Variants in BNIP3 observed in about 807,000 individuals in gnomAD.
BNIP3 encodes the protein BCL2/adenovirus E1B 19 kDa protein-interacting protein 3.
In BNIP3, 16 loss-of-function variants were observed where a neutral mutation model predicts 23.9. The ratio of observed to expected loss-of-function variants is 0.67; its 90% CI spans 0.45 to 1.01. The LOEUF (loss-of-function observed/expected upper bound fraction) is 1.01. BNIP3 is among the 50% of genes least tolerant of loss of function. The pLI is 0.00. For missense variants in BNIP3, 198 were observed against 248.7 expected, an observed-to-expected ratio of 0.80 and a Z score of 1.37; for synonymous variants, 81 against 89.3, an observed-to-expected ratio of 0.91 and a Z score of 0.53.
In BNIP3 at chr10:131,981,899, C is replaced by A; in HGVS notation, c.-93G>T. On this transcript the variant is annotated 5_prime_UTR_variant, in exon 1 of 6. Transcript: ENST00000368636. Reference sequence around the variant, plus strand: ...GGTGGGAAAGCGGAGGTCGGAGCGCCGCGGCCCAGCTGCGCTCCCGGACTG... The same window carrying A: ...GGTGGGAAAGCGGAGGTCGGAGCGCAGCGGCCCAGCTGCGCTCCCGGACTG... 3 of 1,334,118 alleles carry A rather than the reference C, an allele frequency of 2.2e-6. No homozygotes were observed. The highest frequency in any genetic ancestry group is 3.9e-5 in the Admixed American group (1 of 25,378). The allele number at this position is 1,334,118 out of a possible 1,614,324, so 82.6% of individuals were successfully genotyped here.
chr10:131,974,252 G>A (rs1589976767), intron 1 of BNIP3, among the ~76,000 whole-genome samples: 2 of 152,136 alleles, frequency 1.3e-5, no homozygotes, highest in South Asian at 4.1e-4. Flanking sequence ...AATCCAATTA[G>A]AATACTTCCT....
rs45460792 is a variant in BNIP3 at position 131,976,887 on chromosome 10, T to C, written c.47-2944A>G. ...GAGCACTTTTGGAGTACACTGCTAA[T>C]AGGGTGACTTTATGAATAACGCACA... On this transcript the variant is annotated intron_variant, in intron 1 of 5. Transcript: ENST00000368636. This position sits in a 1 kb window ranked among gnomAD's most constrained non-coding sequence, Gnocchi z 4.3. Among the ~76,000 whole-genome samples the C allele has an allele frequency of 0.019, 2,895 of 152,318 alleles. 96 individuals are homozygous for C. Among genetic ancestry groups the C allele is most frequent in the African/African-American group, 0.064 (2,651 of 41,568 alleles).
rs916377215 is a variant in BNIP3 at position 131,981,902 on chromosome 10, G to T, written c.-96C>A. The T allele has an allele frequency of 3.8e-6, 5 of 1,322,508 alleles. No individual in the cohort carries two copies. In the South Asian group the frequency reaches 5.3e-5, roughly 14 times the overall value. 81.9% of individuals were successfully genotyped at this position (1,322,508 alleles called of 1,614,324 possible). On this transcript the variant is annotated 5_prime_UTR_variant, in exon 1 of 6. Transcript: ENST00000368636. ...GGGAAAGCGGAGGTCGGAGCGCCGCGGCCCAGCTGCGCTCCCGGACTGAGC... is the reference window on the plus strand; with the variant it reads ...GGGAAAGCGGAGGTCGGAGCGCCGCTGCCCAGCTGCGCTCCCGGACTGAGC...
rs1554902429 is a variant in BNIP3, at chr10:131,967,904, C to T, written c.*620G>A. On this transcript the variant is annotated 3_prime_UTR_variant, in exon 6 of 6. Transcript: ENST00000368636. Reference sequence around the variant, plus strand: ...AGGGTGATCACCTAATAATCGGAGACTTAATTCCTTATAATGCAAAAGCAA... The same window carrying T: ...AGGGTGATCACCTAATAATCGGAGATTTAATTCCTTATAATGCAAAAGCAA... 4.6e-5 allele frequency: 7 copies of T among 152,248 alleles called. No individual in the cohort carries two copies. Among genetic ancestry groups the T allele is most frequent in the African/African-American group, 1.2e-4 (5 of 41,452 alleles). The allele number at this position is 152,248 out of a possible 1,614,324, so 9.4% of individuals were successfully genotyped here.
chr10:131,970,769 G>C lies in BNIP3; in HGVS notation c.408C>G (p.His136Gln). 6.2e-7 allele frequency: 1 copy of C among 1,614,230 alleles called. No homozygotes were observed. Among genetic ancestry groups the C allele is most frequent in the Non-Finnish European group, 8.5e-7 (1 of 1,180,040 alleles). Residue 136 changes from histidine to glutamine, a missense_variant, in exon 5 of 6, where the codon CAC becomes CAG. Physicochemically the swap from His to Gln is conservative, Grantham distance 24. Transcript: ENST00000368636. The surrounding 1 kb of genome is among the most constrained non-coding windows in gnomAD (Gnocchi z 4.1). ...TGCTGAGGGTGGCCGTGCGCTTCGGGTGTTTAAAGAGGAACTCCCTGAGGC... is the reference window on the plus strand; with the variant it reads ...TGCTGAGGGTGGCCGTGCGCTTCGGCTGTTTAAAGAGGAACTCCCTGAGGC... The part of the protein sequence containing the change: ...NIPPKEFLFK[H>Q]PKRTATLSMR...
intron 3 of BNIP3, 108 bp from the exon 4 acceptor site, chr10:131,971,078 G>A (rs1317467086): frequency 3.9e-6 from 4 of 1,015,056 alleles, no homozygotes; most frequent in Admixed American, 2.0e-5. Context: ...CAAGAGCCCA[G>A]AGGCACATGT....
intron 5 of BNIP3, chr10:131,968,993 CAAACT>C (rs1298558379): frequency 1.3e-4 from 21 of 159,742 alleles, no homozygotes; most frequent in Non-Finnish European, 1.9e-4. Flanking sequence ...AGAGATGTCC[CAAACT>C]AAAGATGCAG....
rs953155273 is a variant in BNIP3 at position 131,980,400 on chromosome 10, C to T, written c.46+1361G>A. The T allele has an allele frequency of 3.9e-5, 6 of 152,084 alleles. No homozygotes were observed. In the South Asian group the frequency reaches 1.2e-3, roughly 32 times the overall value. 9.4% of individuals were successfully genotyped at this position (152,084 alleles called of 1,614,324 possible). A position where few individuals can be genotyped will look rare whatever the true frequency, so the allele number is the denominator to read the frequency against. On this transcript the variant is annotated intron_variant, in intron 1 of 5. Transcript: ENST00000368636. ...TAATCTATTTCAAAATAGTAATTAG[C>T]CAATGTTTAAATTTCAAGAGGAAAA...
At chr10:131,972,547 TCA>T (rs1320074214) in intron 3 of BNIP3, among the ~76,000 whole-genome samples, 1 of 152,204 alleles carries the variant, frequency 6.6e-6, no homozygotes, top group Non-Finnish European at 1.5e-5. Flanking sequence ...GGAAGACACC[TCA>T]GAGTCACAGC....
intron 3 of BNIP3, among the ~76,000 whole-genome samples, chr10:131,972,683 C>T (rs1007237724): frequency 3.3e-5 from 5 of 152,216 alleles, no homozygotes; most frequent in African/African-American, 9.6e-5. Flanking sequence ...CAGTAGCTGG[C>T]TCACTGCCAC....
chr10:131,973,639 A>T, intron 2 of BNIP3, 154 bp downstream of exon 2: 1 of 995,856 alleles, frequency 1.0e-6, no homozygotes, highest in Non-Finnish European at 1.5e-6. Context: ...AGGCTCCTAT[A>T]TAAGGACGGA....
rs2036989201 is a variant in BNIP3, at chr10:131,968,242, T to C, written c.*282A>G. On this transcript the variant is annotated 3_prime_UTR_variant, in exon 6 of 6. Transcript: ENST00000368636. Reference sequence around the variant, plus strand: ...TCATGACTAGTATATTAAAATTATTTATATTCAGATATTTATATCTAATAT... The same window carrying C: ...TCATGACTAGTATATTAAAATTATTCATATTCAGATATTTATATCTAATAT... 4.1e-6 allele frequency: 1 copy of C among 244,428 alleles called. No homozygotes were observed. The highest frequency in any genetic ancestry group is 2.2e-5 in the African/African-American group (1 of 45,226). 15.1% of individuals were successfully genotyped at this position (244,428 alleles called of 1,614,324 possible).
intron 2 of BNIP3, 196 bp from the exon 3 acceptor site, chr10:131,973,314 G>A: frequency 1.8e-6 from 1 of 565,774 alleles, no homozygotes; most frequent in Non-Finnish European, 3.1e-6. Flanking sequence ...CGACAGGAGT[G>A]AGCTAGCCAG....
intron 3 of BNIP3, 122 bp downstream of exon 3, chr10:131,972,912 T>TA: frequency 1.0e-6 from 1 of 954,812 alleles, no homozygotes. Context: ...TTGTTTTTTT[T>TA]AAAGCAGGAA....
chr10:131,972,952 G>T (rs970005951), intron 3 of BNIP3, 82 bp downstream of exon 3: 2 of 1,370,164 alleles, frequency 1.5e-6, no homozygotes, highest in Non-Finnish European at 1.0e-6. Context: ...TTTCTCTGAG[G>T]TGCTCAATTA....
chr10:131,971,928 G>T (rs1012879806), intron 3 of BNIP3, among the ~76,000 whole-genome samples: 3 of 152,250 alleles, frequency 2.0e-5, no homozygotes, highest in African/African-American at 7.2e-5. Context: ...TAGCACGGAA[G>T]GGTCAGCTAC....
At chr10:131,975,186 A>G (rs753481545) in intron 1 of BNIP3, among the ~76,000 whole-genome samples, 23 of 152,240 alleles carry the variant, frequency 1.5e-4, no homozygotes, top group Non-Finnish European at 3.2e-4. Flanking sequence ...TTGATGTGAG[A>G]CGGATGCCCC....
intron 3 of BNIP3, chr10:131,971,341 AAATG>A (rs377554799): frequency 3.9e-6 from 1 of 253,502 alleles, no homozygotes. Flanking sequence ...TAAGAAAAGA[AAATG>A]AAAACAGCCG....
intron 1 of BNIP3, 39 bp downstream of exon 1, chr10:131,981,722 C>A (rs1476430562): frequency 4.8e-6 from 7 of 1,454,722 alleles, no homozygotes; most frequent in South Asian, 1.3e-5. Flanking sequence ...GCTTCCCCCC[C>A]GCGCCCCCTC....
Sources: allele counts gnomAD v4.1 joint callset (sites outside exome capture counted in the v4.1 genomes callset), GRCh38; gene constraint gnomAD v4.1.1; non-coding constraint Gnocchi (gnomAD v3.1); transcripts MANE v1.5; gene names NCBI Gene and HGNC (gene_info 2026-07-23, HGNC 2026-07-21).